The following SGCZ variants were observed in gnomAD, a reference collection of about 807,000 sequenced individuals.
SGCZ encodes the protein zeta-sarcoglycan.
A neutral mutation model predicts 41.3 loss-of-function variants in SGCZ; 40 were observed. The observed-to-expected ratio is 0.97, with a 90% CI of 0.75 to 1.26. The LOEUF (loss-of-function observed/expected upper bound fraction) is 1.26, where lower values mean the gene tolerates loss of function less well. Ranked by LOEUF, SGCZ falls within the 50% of genes most tolerant of loss-of-function variation. The probability of loss-of-function intolerance (pLI) is 0.00; values close to 1 mark genes in which losing one functional copy is unlikely to be tolerated. For synonymous variants in SGCZ, 206 were observed against 137.5 expected, an observed-to-expected ratio of 1.50 and a Z score of -3.49; for missense variants, 552 against 369.8, an observed-to-expected ratio of 1.49 and a Z score of -4.04.
chr8:15,073,866 C>T (rs986724565), intron 1 of SGCZ, among the ~76,000 whole-genome samples: 1 of 152,134 alleles, frequency 6.6e-6, no homozygotes, highest in African/African-American at 2.4e-5. Context: ...CTACATATTG[C>T]TCTAATTCCC....
chr8:14,325,769 T>C (rs1382355202), intron 2 of SGCZ, among the ~76,000 whole-genome samples: 20,081 of 103,020 alleles, frequency 0.19, 1,717 homozygotes, highest in African/African-American at 0.28. Flanking sequence ...TATATATATA[T>C]ATATATATAT....
intron 1 of SGCZ, among the ~76,000 whole-genome samples, chr8:14,925,379 T>A (rs1799715025): frequency 6.6e-6 from 1 of 152,148 alleles, no homozygotes; most frequent in South Asian, 2.1e-4. Context: ...AGCATGGGAA[T>A]CCCGGAAAAA....
At chr8:14,608,727 C>T (rs192503998) in intron 1 of SGCZ, among the ~76,000 whole-genome samples, 39 of 152,132 alleles carry the variant, frequency 2.6e-4, no homozygotes, top group Admixed American at 2.2e-3. Flanking sequence ...TCCACCCCCA[C>T]GGCCCATACA....
intron 1 of SGCZ, among the ~76,000 whole-genome samples, chr8:15,217,947 G>A (rs941774654): frequency 1.1e-4 from 17 of 152,134 alleles, no homozygotes; most frequent in Non-Finnish European, 7.4e-5. Flanking sequence ...TTTGCCAAAC[G>A]GGGTGGCGTG....
In SGCZ at chr8:14,467,061, CTTAT is replaced by C. The variant is rs1189275557; in HGVS notation, c.234+87667_234+87670del. 7.9e-5 allele frequency among the ~76,000 whole-genome samples: 12 copies of C among 151,556 alleles called. 1 individual carries two copies. The South Asian group carries it at 2.1e-3, about 26-fold the overall frequency. ...CGGGTTTTACTGGTTTTTGTTTTTG[CTTAT>C]TTATTTATTTATTTTTAATTCTTAT... On this transcript the variant is annotated intron_variant, in intron 2 of 7. Transcript: ENST00000382080.
At chr8:14,147,372 G>T (rs1433463174) in intron 5 of SGCZ, among the ~76,000 whole-genome samples, 1 of 152,154 alleles carries the variant, frequency 6.6e-6, no homozygotes, top group African/African-American at 2.4e-5. Flanking sequence ...TATGGAAAAA[G>T]ATATTCCATG....
rs547674749 is a variant in SGCZ at position 14,277,624 on chromosome 8, A to G, written c.337-39945T>C. The stretch of plus-strand genomic sequence containing the variant: ...ATAGTGGTAAGAAAAAAGCAACACA[A>G]GTATTGGGATACAGAGAATGATACC... On this transcript the variant is annotated intron_variant, in intron 3 of 7. Transcript: ENST00000382080. Among the ~76,000 whole-genome samples the G allele has an allele frequency of 3.9e-4, 60 of 152,270 alleles. 1 individual carries two copies. Among genetic ancestry groups the G allele is most frequent in the African/African-American group, 1.4e-3 (58 of 41,562 alleles).
At chr8:14,246,673 C>G (rs1274031946) in intron 3 of SGCZ, among the ~76,000 whole-genome samples, 2 of 151,230 alleles carry the variant, frequency 1.3e-5, no homozygotes, top group African/African-American at 4.9e-5. Flanking sequence ...TTTGGGACGC[C>G]GAGGCGGGCA....
intron 1 of SGCZ, among the ~76,000 whole-genome samples, chr8:15,204,904 C>G (rs1429503122): frequency 6.6e-6 from 1 of 152,124 alleles, no homozygotes; most frequent in Non-Finnish European, 1.5e-5. Flanking sequence ...ATTTCACAGA[C>G]ATTAAAAAAC....
intron 1 of SGCZ, among the ~76,000 whole-genome samples, chr8:15,205,944 G>A (rs1801046842): frequency 6.6e-6 from 1 of 152,160 alleles, no homozygotes; most frequent in African/African-American, 2.4e-5. Context: ...GGGAACATGG[G>A]TGAAGCTGGA....
intron 1 of SGCZ, among the ~76,000 whole-genome samples, chr8:14,926,879 T>C (rs1399828600): frequency 2.6e-5 from 4 of 152,166 alleles, no homozygotes; most frequent in Middle Eastern, 3.4e-3. Flanking sequence ...GACCTCGTGA[T>C]CCACCAGCCT....
intron 1 of SGCZ, among the ~76,000 whole-genome samples, chr8:14,890,294 A>G (rs1167509368): frequency 6.6e-6 from 1 of 152,102 alleles, no homozygotes; most frequent in Non-Finnish European, 1.5e-5. Flanking sequence ...AAAGGAAGGA[A>G]AGAAACGAAA....
intron 1 of SGCZ, among the ~76,000 whole-genome samples, chr8:14,812,657 T>C (rs1170551787): frequency 3.9e-5 from 6 of 152,140 alleles, no homozygotes; most frequent in African/African-American, 4.8e-5. Context: ...TAAAATATCA[T>C]ATAATTCTTG....
At chr8:14,272,789 G>C (rs1800105156) in intron 3 of SGCZ, among the ~76,000 whole-genome samples, 1 of 152,096 alleles carries the variant, frequency 6.6e-6, no homozygotes, top group Admixed American at 6.6e-5. Flanking sequence ...AGTTTTGACT[G>C]TGTCAGGTTG....
At chr8:15,045,964 C>T (rs1249099337) in intron 1 of SGCZ, among the ~76,000 whole-genome samples, 1 of 151,880 alleles carries the variant, frequency 6.6e-6, no homozygotes, top group African/African-American at 2.4e-5. Context: ...ATTAATATAC[C>T]CTAACATGAA....
chr8:14,399,051 C>T (rs987445210), intron 2 of SGCZ, among the ~76,000 whole-genome samples: 2 of 152,090 alleles, frequency 1.3e-5, no homozygotes, highest in African/African-American at 4.8e-5. Flanking sequence ...CTACAGATCT[C>T]TCAGGCCTGT....
intron 1 of SGCZ, among the ~76,000 whole-genome samples, chr8:14,872,316 A>T (rs1332319842): frequency 1.3e-5 from 2 of 152,018 alleles, no homozygotes; most frequent in Non-Finnish European, 2.9e-5. Flanking sequence ...TTAAACTATA[A>T]TTTTTTAAAA....
At chr8:14,369,082 T>C (rs1372144200) in intron 2 of SGCZ, among the ~76,000 whole-genome samples, 1 of 151,184 alleles carries the variant, frequency 6.6e-6, no homozygotes, top group Admixed American at 6.6e-5. Flanking sequence ...CAATATTTTC[T>C]TATTAAATAT....
intron 1 of SGCZ, among the ~76,000 whole-genome samples, chr8:14,671,484 T>C (rs1488772132): frequency 1.3e-5 from 2 of 152,210 alleles, no homozygotes; most frequent in Admixed American, 1.3e-4. Flanking sequence ...ATAAAATTAT[T>C]TGAAAAGATC....
Sources: allele counts gnomAD v4.1 joint callset (sites outside exome capture counted in the v4.1 genomes callset), GRCh38; gene constraint gnomAD v4.1.1; transcripts MANE v1.5; gene names NCBI Gene and HGNC (gene_info 2026-07-23, HGNC 2026-07-21).